The following HDAC4 variants were observed in gnomAD, a reference collection of about 807,000 sequenced individuals.
HDAC4 encodes histone deacetylase A.
HDAC4 carries 16 observed loss-of-function variants against 135.1 expected under a neutral mutation model. That is an observed-to-expected ratio of 0.12 (90% CI 0.08 to 0.18). The LOEUF (loss-of-function observed/expected upper bound fraction) is 0.18. Ranked by LOEUF, HDAC4 falls within the 10% of genes least tolerant of loss-of-function variation. The pLI is 1.00. For synonymous variants in HDAC4, 685 were observed against 653.4 expected, an observed-to-expected ratio of 1.05 and a Z score of -0.74; for missense variants, 1,143 against 1,511.8, an observed-to-expected ratio of 0.76 and a Z score of 4.05.
At chr2:239,390,152 C>T (rs541676312) in intron 1 of HDAC4, among the ~76,000 whole-genome samples, 1 of 152,292 alleles carries the variant, frequency 6.6e-6, no homozygotes, top group South Asian at 2.1e-4. Context: ...TCTAGGAAAA[C>T]AAGCCAAACA....
At chr2:239,097,452 G>A (rs530695916) in intron 16 of HDAC4, among the ~76,000 whole-genome samples, 1 of 152,314 alleles carries the variant, frequency 6.6e-6, no homozygotes, top group East Asian at 1.9e-4. Flanking sequence ...CCTGGTTCCC[G>A]TGTCCACATG....
chr2:239,316,539 T>C (rs1290844130), intron 2 of HDAC4, among the ~76,000 whole-genome samples: 1 of 152,072 alleles, frequency 6.6e-6, no homozygotes, highest in Non-Finnish European at 1.5e-5. Flanking sequence ...GCCCACGAGG[T>C]GGAGGCTGTA....
chr2:239,160,633 C>A (rs1013797222), intron 6 of HDAC4, among the ~76,000 whole-genome samples: 1 of 152,246 alleles, frequency 6.6e-6, no homozygotes, highest in Admixed American at 6.5e-5. Flanking sequence ...CTGCTGCAGG[C>A]GCCAGCGGTC....
At chr2:239,279,972 T>C (rs1219333361) in intron 2 of HDAC4, among the ~76,000 whole-genome samples, 1 of 152,102 alleles carries the variant, frequency 6.6e-6, no homozygotes, top group Non-Finnish European at 1.5e-5. Context: ...AAAGTGCGGA[T>C]CCCACCTCTC....
intron 2 of HDAC4, among the ~76,000 whole-genome samples, chr2:239,263,265 C>T (rs1575557863): frequency 7.0e-6 from 1 of 143,586 alleles, no homozygotes. Flanking sequence ...GCCCTGAGGA[C>T]CCCCGCCCAG....
At chr2:239,382,208 C>T (rs1285509926) in intron 1 of HDAC4, among the ~76,000 whole-genome samples, 3 of 152,356 alleles carry the variant, frequency 2.0e-5, no homozygotes, top group East Asian at 1.9e-4. Flanking sequence ...GTTAAACTGT[C>T]GCTGCAGAAG....
intron 24 of HDAC4, among the ~76,000 whole-genome samples, chr2:239,056,040 T>A (rs531271169): frequency 6.6e-6 from 1 of 152,214 alleles, no homozygotes; most frequent in Non-Finnish European, 1.5e-5. Context: ...AAAGTGACCC[T>A]GAGAATTTGC....
Position 239,299,775 on chromosome 2 carries a change from G to C in HDAC4, c.22+52903C>G, listed in dbSNP as rs898211794. On this transcript the variant is annotated intron_variant, in intron 2 of 26. Coordinates refer to ENST00000543185, the MANE Select transcript of HDAC4 (RefSeq NM_001378414.1). This position sits in a 1 kb window ranked among gnomAD's most constrained non-coding sequence, Gnocchi z 4.0. The stretch of plus-strand genomic sequence containing the variant: ...CAGTCCAGCTGGGGCCCAGGGACTG[G>C]CACAGCTGTTCCGCTCTGCTCCCGG... Among the ~76,000 whole-genome samples the C allele has an allele frequency of 1.3e-5, 2 of 152,184 alleles. No homozygotes were observed. The highest frequency in any genetic ancestry group is 2.9e-5 in the Non-Finnish European group (2 of 68,038).
chr2:239,205,209 T>C (rs1335353364), intron 3 of HDAC4, among the ~76,000 whole-genome samples: 1 of 152,180 alleles, frequency 6.6e-6, no homozygotes, highest in East Asian at 1.9e-4. Flanking sequence ...TATTTGAAGA[T>C]AGATGGCTGA....
chr2:239,231,422 G>A (rs1467295228), intron 3 of HDAC4, among the ~76,000 whole-genome samples: 1 of 151,222 alleles, frequency 6.6e-6, no homozygotes, highest in African/African-American at 2.4e-5. Context: ...CTGGGACAGC[G>A]GCCACGGGAT....
At chr2:239,157,870 A>C (rs993473364) in intron 6 of HDAC4, among the ~76,000 whole-genome samples, 11 of 152,184 alleles carry the variant, frequency 7.2e-5, no homozygotes, top group African/African-American at 2.7e-4. Flanking sequence ...TGAGGAGCCG[A>C]GCCCAGGCAC....
rs3080332 is a variant in HDAC4 at position 239,156,891 on chromosome 2, GAC to G, written c.612-120_612-119del. The G allele has an allele frequency of 0.55, 613,165 of 1,105,100 alleles. 179,801 individuals carry two copies. The highest frequency in any genetic ancestry group is 0.76 in the South Asian group (58,577 of 77,304). The allele number at this position is 1,105,100 out of a possible 1,614,324, so 68.5% of individuals were successfully genotyped here. A position where few individuals can be genotyped will look rare whatever the true frequency, so the allele number is the denominator to read the frequency against. ...TTGAAACCTCAGCCCCACCTCAACAGACACACCTTTTCCCTAGGGTCAAGCTG... is the reference window on the plus strand; with the variant it reads ...TTGAAACCTCAGCCCCACCTCAACAGACACCTTTTCCCTAGGGTCAAGCTG... On this transcript the variant is annotated intron_variant, in intron 6 of 26. Coordinates refer to ENST00000543185, the MANE Select transcript of HDAC4 (RefSeq NM_001378414.1).
chr2:239,295,884 A>G (rs1226648501), intron 2 of HDAC4, among the ~76,000 whole-genome samples: 3 of 152,192 alleles, frequency 2.0e-5, no homozygotes, highest in Non-Finnish European at 4.4e-5. Context: ...TGTCTTTCTC[A>G]GCCTCTTCAC....
At chr2:239,382,933 T>C (rs1471291392) in intron 1 of HDAC4, among the ~76,000 whole-genome samples, 1 of 152,130 alleles carries the variant, frequency 6.6e-6, no homozygotes, top group African/African-American at 2.4e-5. Flanking sequence ...TTTCACCATG[T>C]TGACCAGGCT....
At chr2:239,094,739 A>G (rs905666435) in intron 17 of HDAC4, 14 of 1,312,764 alleles carry the variant, frequency 1.1e-5, no homozygotes, top group African/African-American at 3.0e-5. Context: ...TGCTGGCTGC[A>G]TACAGGATCC....
intron 5 of HDAC4, among the ~76,000 whole-genome samples, chr2:239,175,722 C>T (rs752270146): frequency 5.9e-5 from 9 of 152,198 alleles, no homozygotes; most frequent in Non-Finnish European, 1.3e-4. Flanking sequence ...AAGAAAAGTA[C>T]TTTGAAAAAT....
chr2:239,240,946 GA>G lies in HDAC4; in HGVS notation c.23-4283del. 6.6e-6 allele frequency among the ~76,000 whole-genome samples: 1 copy of G among 152,244 alleles called. No individual in the cohort carries two copies. Among genetic ancestry groups the G allele is most frequent in the South Asian group, 2.1e-4 (1 of 4,822 alleles). On this transcript the variant is annotated intron_variant, in intron 2 of 26. Transcript: ENST00000543185. The surrounding 1 kb of genome is among the most constrained non-coding windows in gnomAD (Gnocchi z 4.5). ...TCAGACGGGTAGGTATGTCTAACCA[GA>G]AACCCGGCCTTCTGGAGCCAAAGGA...
rs2051109153 is a variant in HDAC4 at position 239,285,868 on chromosome 2, G to A, written c.23-49204C>T. Among the ~76,000 whole-genome samples, 1 of 152,148 alleles carries A rather than the reference G, an allele frequency of 6.6e-6. No individual in the cohort carries two copies. Among genetic ancestry groups the A allele is most frequent in the African/African-American group, 2.4e-5 (1 of 41,428 alleles). Reference sequence around the variant, plus strand: ...TTCAGGATGCAGGGGCTGGAGTCCAGGGCAGCTCCCAGGAAATGCACGTGG... The same window carrying A: ...TTCAGGATGCAGGGGCTGGAGTCCAAGGCAGCTCCCAGGAAATGCACGTGG... On this transcript the variant is annotated intron_variant, in intron 2 of 26. Transcript: ENST00000543185. The surrounding 1 kb of genome is among the most constrained non-coding windows in gnomAD (Gnocchi z 4.5).
Position 239,134,441 on chromosome 2 carries a change from G to A in HDAC4, c.1098C>T (p.Gly366=). The A allele has an allele frequency of 6.2e-7, 1 of 1,613,648 alleles. No homozygotes were observed. Among genetic ancestry groups the A allele is most frequent in the Non-Finnish European group, 8.5e-7 (1 of 1,179,864 alleles). The change falls in exon 11 of 27, where the codon GGC becomes GGT. Residue 366 remains glycine (G), a splice_region_variant and synonymous_variant. Transcript: ENST00000543185. ...LGLPATGPSA[G]TAGQQDAERL... is the part of the protein sequence containing the mutation. Reference sequence around the variant, plus strand: ...TCTCGGCGTCCTGCTGGCCCGCCGTGCCCTGGAAAGCACAGCCAGGATGCT... The same window carrying A: ...TCTCGGCGTCCTGCTGGCCCGCCGTACCCTGGAAAGCACAGCCAGGATGCT...
Sources: gnomAD v4.1 joint callset for allele counts (sites outside exome capture counted in the v4.1 genomes callset) on GRCh38, gnomAD v4.1.1 for gene constraint, Gnocchi (gnomAD v3.1) non-coding constraint, MANE v1.5 for transcripts, NCBI Gene and HGNC (gene_info 2026-07-23, HGNC 2026-07-21) for gene names.